Variants in PCDH9 observed in about 807,000 individuals in gnomAD.
The protein encoded by PCDH9 is protocadherin-9.
PCDH9 carries 24 observed loss-of-function variants against 70.6 expected under a neutral mutation model. The ratio of observed to expected loss-of-function variants is 0.34; its 90% confidence interval spans 0.25 to 0.48. The LOEUF (loss-of-function observed/expected upper bound fraction) is 0.48, where lower values mean the gene tolerates loss of function less well. Ranked by LOEUF, PCDH9 falls within the 20% of genes least tolerant of loss-of-function variation. The probability of loss-of-function intolerance (pLI) is 0.99; values close to 1 mark genes in which losing one functional copy is unlikely to be tolerated. For missense variants in PCDH9, 1,281 were observed against 1,503.6 expected, an observed-to-expected ratio of 0.85 and a Z score of 2.45; for synonymous variants, 562 against 558.5, an observed-to-expected ratio of 1.01 and a Z score of -0.09.
At chr13:66,582,859 A>G (rs796727512) in intron 4 of PCDH9, among the ~76,000 whole-genome samples, 1 of 152,178 alleles carries the variant, frequency 6.6e-6, no homozygotes, top group South Asian at 2.1e-4. Context: ...TTTGGTCAAC[A>G]CTACCTAAAT....
intron 3 of PCDH9, among the ~76,000 whole-genome samples, chr13:66,877,985 A>C (rs947461364): frequency 2.0e-5 from 3 of 152,148 alleles, no homozygotes; most frequent in Non-Finnish European, 2.9e-5. Context: ...TTTTCATCTA[A>C]TACTCTCTTT....
chr13:66,526,839 G>T (rs1055788191), intron 4 of PCDH9, among the ~76,000 whole-genome samples: 1 of 152,108 alleles, frequency 6.6e-6, no homozygotes, highest in Admixed American at 6.6e-5. Flanking sequence ...TTGTATTTTA[G>T]ATTACTTATA....
intron 2 of PCDH9, among the ~76,000 whole-genome samples, chr13:67,097,255 C>CA (rs937396894): frequency 3.4e-5 from 5 of 148,224 alleles, no homozygotes; most frequent in African/African-American, 1.2e-4. Flanking sequence ...GACCGTGTTT[C>CA]AAAAAAAAAG....
intron 2 of PCDH9, among the ~76,000 whole-genome samples, chr13:67,148,221 C>A (rs1471292762): frequency 6.7e-6 from 1 of 150,058 alleles, no homozygotes; most frequent in East Asian, 1.9e-4. Context: ...TTTCATCCTG[C>A]AAAATTACAT....
chr13:66,475,787 T>TA (rs988431522), intron 4 of PCDH9, among the ~76,000 whole-genome samples: 3 of 152,132 alleles, frequency 2.0e-5, no homozygotes, highest in Admixed American at 1.3e-4. Context: ...TACTTTTCAC[T>TA]AAAAAAACTG....
intron 4 of PCDH9, among the ~76,000 whole-genome samples, chr13:66,327,518 T>TA (rs1955868961): frequency 1.3e-5 from 2 of 152,132 alleles, no homozygotes; most frequent in African/African-American, 4.8e-5. Context: ...TAACGCTCTT[T>TA]AAAAAATATT....
At chr13:67,073,560 A>G (rs936149275) in intron 2 of PCDH9, among the ~76,000 whole-genome samples, 1 of 152,100 alleles carries the variant, frequency 6.6e-6, no homozygotes, top group African/African-American at 2.4e-5. Flanking sequence ...ATTTGCTTTA[A>G]CCAATCTCTT....
chr13:67,126,177 G>A (rs1379883881), intron 2 of PCDH9, among the ~76,000 whole-genome samples: 1 of 152,074 alleles, frequency 6.6e-6, no homozygotes. Context: ...ACTGTGGTAG[G>A]CTGATTACTA....
At chr13:66,740,760 C>T (rs1238505287) in intron 3 of PCDH9, among the ~76,000 whole-genome samples, 3 of 151,724 alleles carry the variant, frequency 2.0e-5, no homozygotes, top group Non-Finnish European at 4.4e-5. Context: ...ATAAATTCCT[C>T]GACACATACA....
intron 2 of PCDH9, among the ~76,000 whole-genome samples, chr13:67,077,147 C>G (rs1016716915): frequency 1.3e-5 from 2 of 152,132 alleles, no homozygotes; most frequent in African/African-American, 4.8e-5. Context: ...TGTGCACTGT[C>G]TTAAAAAATA....
At chr13:66,851,936 A>G (rs1267621486) in intron 3 of PCDH9, among the ~76,000 whole-genome samples, 1 of 152,064 alleles carries the variant, frequency 6.6e-6, no homozygotes, top group Non-Finnish European at 1.5e-5. Flanking sequence ...CCTACCTTGC[A>G]TATGCAGCTG....
At chr13:66,699,172 C>G (rs550078404) in intron 3 of PCDH9, among the ~76,000 whole-genome samples, 206 of 152,106 alleles carry the variant, frequency 1.4e-3, no homozygotes, top group African/African-American at 4.7e-3. Context: ...CGTTGGCCTC[C>G]CAAAGTGCTG....
chr13:66,905,879 G>C (rs530261130), intron 2 of PCDH9, among the ~76,000 whole-genome samples: 1 of 152,220 alleles, frequency 6.6e-6, no homozygotes, highest in South Asian at 2.1e-4. Context: ...CCCTGTAAAA[G>C]CAGGACAAGT....
At chr13:66,739,488 A>G (rs2079219040) in intron 3 of PCDH9, among the ~76,000 whole-genome samples, 1 of 148,140 alleles carries the variant, frequency 6.8e-6, no homozygotes, top group Admixed American at 6.8e-5. Context: ...TTCACACATA[A>G]CAATATTAAC....
chr13:66,475,676 T>C (rs1958711699), intron 4 of PCDH9, among the ~76,000 whole-genome samples: 4 of 152,052 alleles, frequency 2.6e-5, no homozygotes, highest in Admixed American at 2.6e-4. Flanking sequence ...GAATTCTATT[T>C]AGTAATGAAC....
chr13:67,187,496 C>T (rs1209804241), intron 2 of PCDH9, among the ~76,000 whole-genome samples: 1 of 152,094 alleles, frequency 6.6e-6, no homozygotes, highest in African/African-American at 2.4e-5. Context: ...AATGGTACAG[C>T]TACAAAATGC....
intron 2 of PCDH9, among the ~76,000 whole-genome samples, chr13:67,039,585 G>C (rs2085073255): frequency 6.6e-6 from 1 of 152,130 alleles, no homozygotes; most frequent in Non-Finnish European, 1.5e-5. Flanking sequence ...CAGTGCTTTG[G>C]TGTTCAGCTT....
intron 4 of PCDH9, among the ~76,000 whole-genome samples, chr13:66,446,452 GA>G (rs1958091668): frequency 6.6e-6 from 1 of 151,970 alleles, no homozygotes; most frequent in Non-Finnish European, 1.5e-5. Flanking sequence ...AGATGAGTAG[GA>G]AAAAGAAGAC....
chr13:66,354,753 A>C (rs1275497737), intron 4 of PCDH9, among the ~76,000 whole-genome samples: 1 of 152,138 alleles, frequency 6.6e-6, no homozygotes, highest in African/African-American at 2.4e-5. Flanking sequence ...CCAACGTTAG[A>C]GCCCATTGCT....
Sources: allele counts gnomAD v4.1 joint callset (sites outside exome capture counted in the v4.1 genomes callset), GRCh38; gene constraint gnomAD v4.1.1; transcripts MANE v1.5; gene names NCBI Gene and HGNC (gene_info 2026-07-23, HGNC 2026-07-21).